FBXO36: variants seen among roughly 807,000 people sequenced by gnomAD.
FBXO36 encodes the protein F-box protein 36, also known as F-box only protein 36.
In FBXO36, 18 loss-of-function variants were observed where a neutral mutation model predicts 17.0. The observed-to-expected ratio is 1.06, with a 90% CI of 0.73 to 1.57. The LOEUF is 1.57. Ranked by LOEUF, FBXO36 falls within the 40% of genes most tolerant of loss-of-function variation. The probability of loss-of-function intolerance (pLI) is 0.00; values close to 1 mark genes in which losing one functional copy is unlikely to be tolerated. For synonymous variants in FBXO36, 83 were observed against 85.3 expected (o/e 0.97, Z 0.15); for missense variants, 229 against 221.9 (o/e 1.03, Z -0.20).
intron 1 of FBXO36, among the ~76,000 whole-genome samples, chr2:229,925,443 ATAAG>A (rs2076907293): frequency 6.6e-6 from 1 of 152,212 alleles, no homozygotes; most frequent in South Asian, 2.1e-4. Context: ...CCTGACATAA[ATAAG>A]TACTAAAAGA....
intron 3 of FBXO36, among the ~76,000 whole-genome samples, chr2:230,010,038 G>T (rs891658116): frequency 6.6e-6 from 1 of 152,164 alleles, no homozygotes; most frequent in Non-Finnish European, 1.5e-5. Flanking sequence ...AAGGTGGGCA[G>T]ATCACCTGAG....
At chr2:229,970,701 C>T (rs2077175895) in intron 1 of FBXO36, among the ~76,000 whole-genome samples, 1 of 152,112 alleles carries the variant, frequency 6.6e-6, no homozygotes, top group Admixed American at 6.6e-5. Context: ...CACTCAGATC[C>T]TGAAGATAGA....
At chr2:229,967,857 G>T (rs2077161380) in intron 1 of FBXO36, among the ~76,000 whole-genome samples, 1 of 152,066 alleles carries the variant, frequency 6.6e-6, no homozygotes, top group African/African-American at 2.4e-5. Context: ...TTGTGTCTCT[G>T]CCCGGCTTTG....
intron 2 of FBXO36, among the ~76,000 whole-genome samples, chr2:229,995,091 G>A (rs2077318176): frequency 1.3e-5 from 2 of 151,950 alleles, no homozygotes; most frequent in South Asian, 4.1e-4. Flanking sequence ...TCCAGCCTGG[G>A]TGACAGAGCA....
chr2:229,936,005 T>C (rs1267998665), intron 1 of FBXO36, among the ~76,000 whole-genome samples: 1 of 152,102 alleles, frequency 6.6e-6, no homozygotes, highest in Non-Finnish European at 1.5e-5. Context: ...GTGGCCAACA[T>C]GGCAAAACCC....
At chr2:229,956,248 C>T (rs527247646) in intron 1 of FBXO36, among the ~76,000 whole-genome samples, 2 of 152,304 alleles carry the variant, frequency 1.3e-5, no homozygotes, top group African/African-American at 4.8e-5. Flanking sequence ...TGGCTTCTGC[C>T]GAGGCCTCTC....
intron 3 of FBXO36, among the ~76,000 whole-genome samples, chr2:230,006,105 G>GTTTTT (rs577192144): frequency 8.0e-6 from 1 of 124,666 alleles, no homozygotes. Flanking sequence ...TTTTATTTTA[G>GTTTTT]TTTTTTTTTT....
chr2:230,000,694 G>A (rs1362671481), intron 3 of FBXO36, among the ~76,000 whole-genome samples: 1 of 151,964 alleles, frequency 6.6e-6, no homozygotes, highest in African/African-American at 2.4e-5. Context: ...GTGCAGTCTT[G>A]AAAACATTCT....
At chr2:229,940,180 G>C (rs2076990949) in intron 1 of FBXO36, among the ~76,000 whole-genome samples, 1 of 152,138 alleles carries the variant, frequency 6.6e-6, no homozygotes, top group South Asian at 2.1e-4. Context: ...CCAATTAGTG[G>C]AGCTTGTTTA....
chr2:229,996,686 C>T (rs2077329132), intron 2 of FBXO36, 65 bp from the exon 3 acceptor site: 1 of 1,492,060 alleles, frequency 6.7e-7, no homozygotes, highest in Admixed American at 2.1e-5. Flanking sequence ...TTGTATTTCA[C>T]TGATTGTTAT....
chr2:229,956,221 T>G (rs2077086422), intron 1 of FBXO36, among the ~76,000 whole-genome samples: 1 of 152,230 alleles, frequency 6.6e-6, no homozygotes, highest in South Asian at 2.1e-4. Flanking sequence ...AGTCCAAGAT[T>G]AAGGTGTTGG....
intron 2 of FBXO36, among the ~76,000 whole-genome samples, chr2:229,988,694 C>G (rs2077281819): frequency 6.6e-6 from 1 of 151,926 alleles, no homozygotes; most frequent in Non-Finnish European, 1.5e-5. Flanking sequence ...ATCACCATGC[C>G]CAGCAAATTT....
intron 2 of FBXO36, among the ~76,000 whole-genome samples, chr2:229,994,665 G>A (rs1010933652): frequency 3.3e-5 from 5 of 152,296 alleles, no homozygotes; most frequent in Middle Eastern, 3.4e-3. Context: ...CTAAGAGAGT[G>A]CACTTTTTCT....
chr2:229,931,422 T>A (rs2076937856), intron 1 of FBXO36, among the ~76,000 whole-genome samples: 1 of 152,196 alleles, frequency 6.6e-6, no homozygotes, highest in Admixed American at 6.6e-5. Flanking sequence ...GATCCTTTCA[T>A]TCCTCCTGCA....
chr2:229,951,339 G>A (rs2077056939), intron 1 of FBXO36, among the ~76,000 whole-genome samples: 1 of 151,782 alleles, frequency 6.6e-6, no homozygotes, highest in Non-Finnish European at 1.5e-5. Flanking sequence ...CGCCTCCTGG[G>A]TTCAAGTGAT....
rs1188556225 is a variant in FBXO36, at chr2:229,998,413, G to A, written c.378+1490G>A. On this transcript the variant is annotated intron_variant, in intron 3 of 3. Coordinates refer to ENST00000283946, the MANE Select transcript of FBXO36 (RefSeq NM_174899.5). Reference sequence around the variant, plus strand: ...TGAGGCGGTTGGATCACCTGAGGTTGGGAGTTTGAGACCAGCCTGACCAGC... The same window carrying A: ...TGAGGCGGTTGGATCACCTGAGGTTAGGAGTTTGAGACCAGCCTGACCAGC... Among the ~76,000 whole-genome samples, 2 of 152,088 alleles carry A rather than the reference G, an allele frequency of 1.3e-5. 1 individual carries two copies. Among genetic ancestry groups the A allele is most frequent in the Non-Finnish European group, 2.9e-5 (2 of 68,006 alleles).
At chr2:229,970,909 A>G (rs539174222) in intron 1 of FBXO36, among the ~76,000 whole-genome samples, 9 of 152,254 alleles carry the variant, frequency 5.9e-5, no homozygotes, top group African/African-American at 2.2e-4. Context: ...TCTTTCAGTA[A>G]CTCTGAAATA....
At chr2:229,949,137 G>A (rs2077042303) in intron 1 of FBXO36, among the ~76,000 whole-genome samples, 1 of 152,002 alleles carries the variant, frequency 6.6e-6, no homozygotes, top group South Asian at 2.1e-4. Flanking sequence ...CCAGCCTCAG[G>A]ATGCCTCTTT....
At chr2:229,985,302 A>C (rs1252465743) in intron 2 of FBXO36, among the ~76,000 whole-genome samples, 4 of 152,170 alleles carry the variant, frequency 2.6e-5, no homozygotes, top group African/African-American at 9.7e-5. Flanking sequence ...ATCCTCACAA[A>C]TTGCCCTCCA....
Sources: gnomAD v4.1 joint callset for allele counts (sites outside exome capture counted in the v4.1 genomes callset) on GRCh38, gnomAD v4.1.1 for gene constraint, MANE v1.5 for transcripts, NCBI Gene and HGNC (gene_info 2026-07-23, HGNC 2026-07-21) for gene names.